The following PCDH11X variants were observed in gnomAD, a reference collection of about 807,000 sequenced individuals.
PCDH11X encodes protocadherin 11 X-linked.
Under a neutral mutation model 53.3 loss-of-function variants are expected in PCDH11X, and 18 were observed. The ratio of observed to expected loss-of-function variants is 0.34; its 90% confidence interval spans 0.23 to 0.50. The LOEUF is 0.50. Among genes scored for constraint, PCDH11X ranks in the 20% least tolerant of loss-of-function variants. PCDH11X has a pLI of 0.98. For missense variants in PCDH11X, 570 were observed against 1,032.4 expected (o/e 0.55, Z 6.14); for synonymous variants, 279 against 393.3 (o/e 0.71, Z 3.44).
intron 6 of PCDH11X, among the ~76,000 whole-genome samples, chrX:91,889,360 C>CCAGGCTG (rs1940373071): frequency 9.0e-6 from 1 of 111,184 alleles, no homozygotes; most frequent in Non-Finnish European, 1.9e-5. Context: ...GCTCTGTCTC[C>CCAGGCTG]CAGGCTGGAG....
chrX:91,973,375 A>G (rs2147912630), intron 6 of PCDH11X, among the ~76,000 whole-genome samples: 1 of 104,153 alleles, frequency 9.6e-6, no homozygotes, highest in Non-Finnish European at 2.0e-5. Flanking sequence ...CCAGCATGGC[A>G]CATGTATAGA....
chrX:92,242,687 T>G (rs73528501), intron 7 of PCDH11X, among the ~76,000 whole-genome samples: 14,816 of 111,015 alleles, frequency 0.13, 1,618 homozygotes, highest in African/African-American at 0.36. Flanking sequence ...CTGCCAAATT[T>G]TTTTCCAGAA....
chrX:92,516,335 A>G (rs1014758599), intron 10 of PCDH11X, among the ~76,000 whole-genome samples: 1 of 112,306 alleles, frequency 8.9e-6, no homozygotes, highest in Non-Finnish European at 1.9e-5. Context: ...TGAAGTTCAG[A>G]CAATAAAAGA....
At chrX:92,445,921 T>G (rs1162559101) in intron 9 of PCDH11X, among the ~76,000 whole-genome samples, 1 of 110,836 alleles carries the variant, frequency 9.0e-6, no homozygotes, top group Non-Finnish European at 1.9e-5. Context: ...CAAACTGGAT[T>G]AGAAAATTAT....
intron 6 of PCDH11X, among the ~76,000 whole-genome samples, chrX:91,940,948 T>C (rs60690982): frequency 9.1e-6 from 1 of 110,421 alleles, no homozygotes; most frequent in Non-Finnish European, 1.9e-5. Flanking sequence ...ACCACTAAAA[T>C]GAAAAAGTTG....
chrX:92,055,965 T>G (rs927013681), intron 6 of PCDH11X, among the ~76,000 whole-genome samples: 1 of 110,130 alleles, frequency 9.1e-6, no homozygotes, highest in Non-Finnish European at 1.9e-5. Context: ...GGCATTTAGG[T>G]TGATTTCATG....
At chrX:92,229,329 G>A (rs2067027490) in intron 7 of PCDH11X, among the ~76,000 whole-genome samples, 1 of 111,250 alleles carries the variant, frequency 9.0e-6, no homozygotes, top group Admixed American at 9.6e-5. Flanking sequence ...ACAACATGCA[G>A]TAGTCATGAG....
At chrX:91,805,586 A>AG (rs35158264) in intron 1 of PCDH11X, among the ~76,000 whole-genome samples, 1 of 111,040 alleles carries the variant, frequency 9.0e-6, no homozygotes, top group Non-Finnish European at 1.9e-5. Context: ...AGGCCAAAGC[A>AG]GGGGGGCTTG....
At chrX:92,562,956 C>T (rs1408975027) in intron 10 of PCDH11X, among the ~76,000 whole-genome samples, 1 of 108,994 alleles carries the variant, frequency 9.2e-6, no homozygotes, top group Non-Finnish European at 1.9e-5. Flanking sequence ...TCTGAACCCT[C>T]CACACTCTTC....
rs1935438037 is a variant in PCDH11X, at chrX:91,789,137, G to GATTGCAGT, written c.-379+9454_-379+9461dup. On this transcript the variant is annotated intron_variant, in intron 1 of 10. Transcript: ENST00000682573. ...GAATCCCTTGAACCCGCGAGGCGGA[G>GATTGCAGT]ATTGCAGTGAGCCGAGATCGCGCCA... Among the ~76,000 whole-genome samples, 5 of 95,694 alleles carry GATTGCAGT rather than the reference G, an allele frequency of 5.2e-5. 1 individual carries two copies. Among genetic ancestry groups the GATTGCAGT allele is most frequent in the Admixed American group, 3.9e-4 (3 of 7,642 alleles). 83.1% of individuals were successfully genotyped at this position (95,694 alleles called of 115,157 possible).
chrX:91,884,547 TA>T (rs1479619440), intron 6 of PCDH11X, among the ~76,000 whole-genome samples: 4 of 111,361 alleles, frequency 3.6e-5, no homozygotes. Flanking sequence ...TTGCTTTGAG[TA>T]ATTTTTCCTT....
At chrX:92,434,778 GAGAAGTTTAATGGACTCACAGTTCCAC>G (rs2072331414) in intron 9 of PCDH11X, among the ~76,000 whole-genome samples, 3 of 109,528 alleles carry the variant, frequency 2.7e-5, no homozygotes, top group African/African-American at 1.0e-4. Context: ...TATAAAGAAA[GAGAAGTTTAATGGACTCACAGTTCCAC>G]ATGGCTGGGG....
At chrX:92,299,176 GT>G (rs1285868438) in intron 8 of PCDH11X, among the ~76,000 whole-genome samples, 1 of 111,539 alleles carries the variant, frequency 9.0e-6, no homozygotes, top group African/African-American at 3.3e-5. Flanking sequence ...AACAGGTCCT[GT>G]TAAGAATTCC....
chrX:92,240,444 C>T (rs766450387), intron 7 of PCDH11X, among the ~76,000 whole-genome samples: 31 of 111,369 alleles, frequency 2.8e-4, no homozygotes, highest in African/African-American at 4.6e-4. Context: ...TAGGAGACCC[C>T]GCCAAGTTAA....
chrX:92,156,378 C>T (rs2065537503), intron 6 of PCDH11X, among the ~76,000 whole-genome samples: 1 of 110,001 alleles, frequency 9.1e-6, no homozygotes, highest in African/African-American at 3.3e-5. Context: ...AAGTTCTTAC[C>T]CCTTCAAATC....
intron 6 of PCDH11X, among the ~76,000 whole-genome samples, chrX:92,038,954 T>C (rs1294631627): frequency 9.0e-6 from 1 of 111,556 alleles, no homozygotes; most frequent in African/African-American, 3.3e-5. Flanking sequence ...CTCTTTCCTG[T>C]ATAAGTTGCC....
chrX:92,161,511 C>T (rs781336872), intron 6 of PCDH11X, among the ~76,000 whole-genome samples: 219 of 110,486 alleles, frequency 2.0e-3, no homozygotes, highest in Middle Eastern at 0.014. Flanking sequence ...GATCTTTTTG[C>T]GATGAATTTC....
intron 9 of PCDH11X, among the ~76,000 whole-genome samples, chrX:92,408,077 G>A (rs903604178): frequency 9.1e-6 from 1 of 110,357 alleles, no homozygotes; most frequent in African/African-American, 3.3e-5. Flanking sequence ...TAGAAACGGG[G>A]TTTTACCATG....
intron 8 of PCDH11X, among the ~76,000 whole-genome samples, chrX:92,295,216 A>C (rs992556994): frequency 9.0e-6 from 1 of 111,160 alleles, no homozygotes. Context: ...AGAACTGAGA[A>C]AGCATTAAAA....
Sources: allele counts gnomAD v4.1 joint callset (sites outside exome capture counted in the v4.1 genomes callset), GRCh38; gene constraint gnomAD v4.1.1; transcripts MANE v1.5; gene names NCBI Gene and HGNC (gene_info 2026-07-23, HGNC 2026-07-21).